WDR70: variants seen among roughly 807,000 people sequenced by gnomAD.
The protein encoded by WDR70 is WD repeat-containing protein 70.
In WDR70, 53 loss-of-function variants were observed where a neutral mutation model predicts 88.6. The observed-to-expected ratio is 0.60, with a 90% CI of 0.48 to 0.75. WDR70 has a LOEUF of 0.75. WDR70 is among the 30% of genes least tolerant of loss of function. The pLI is 0.00. For synonymous variants in WDR70, 280 were observed against 270.0 expected (o/e 1.04, Z -0.36); for missense variants, 610 against 823.2 (o/e 0.74, Z 3.17).
intron 10 of WDR70, among the ~76,000 whole-genome samples, chr5:37,652,300 A>C (rs1745431909): frequency 6.6e-6 from 1 of 152,072 alleles, no homozygotes; most frequent in African/African-American, 2.4e-5. Context: ...TGGTCTATAT[A>C]TCTGTTTTGG....
intron 8 of WDR70, among the ~76,000 whole-genome samples, chr5:37,509,946 C>T (rs1740671102): frequency 6.6e-6 from 1 of 151,688 alleles, no homozygotes; most frequent in Non-Finnish European, 1.5e-5. Context: ...CTTGTAGTCC[C>T]AACTACTTGG....
intron 8 of WDR70, among the ~76,000 whole-genome samples, chr5:37,491,715 T>C (rs553228750): frequency 6.6e-6 from 1 of 152,324 alleles, no homozygotes; most frequent in African/African-American, 2.4e-5. Flanking sequence ...CATGTCTTTT[T>C]ACTGGTGAAT....
At chr5:37,625,673 C>A (rs769008648) in intron 10 of WDR70, among the ~76,000 whole-genome samples, 1 of 151,726 alleles carries the variant, frequency 6.6e-6, no homozygotes, top group Non-Finnish European at 1.5e-5. Flanking sequence ...TACAGGTGCC[C>A]GCCACCATGC....
intron 7 of WDR70, among the ~76,000 whole-genome samples, chr5:37,467,960 C>T (rs1266335934): frequency 1.3e-5 from 2 of 152,148 alleles, no homozygotes; most frequent in South Asian, 2.1e-4. Flanking sequence ...GTGATCTGCC[C>T]GCCTCGGCCT....
chr5:37,386,369 C>T (rs1282091902), intron 3 of WDR70, among the ~76,000 whole-genome samples: 1 of 151,878 alleles, frequency 6.6e-6, no homozygotes, highest in Admixed American at 6.6e-5. Flanking sequence ...TTTGAGTTGC[C>T]CAGGCTGGAG....
At chr5:37,671,647 C>T (rs1054761135) in intron 10 of WDR70, among the ~76,000 whole-genome samples, 2 of 152,128 alleles carry the variant, frequency 1.3e-5, no homozygotes, top group Non-Finnish European at 2.9e-5. Context: ...GTTTCTATTT[C>T]TTATGAGAGG....
intron 13 of WDR70, 133 bp downstream of exon 13, chr5:37,703,220 C>T (rs867911653): frequency 1.1e-5 from 12 of 1,092,652 alleles, no homozygotes; most frequent in South Asian, 3.6e-5. Context: ...TTCACTCTAG[C>T]GTAGGAGTTA....
chr5:37,657,567 T>A (rs1745592981), intron 10 of WDR70, among the ~76,000 whole-genome samples: 1 of 152,218 alleles, frequency 6.6e-6, no homozygotes, highest in Non-Finnish European at 1.5e-5. Context: ...CCTCTCCACT[T>A]CATTTGTACA....
At chr5:37,487,806 A>G (rs2112182420) in intron 8 of WDR70, among the ~76,000 whole-genome samples, 1 of 151,404 alleles carries the variant, frequency 6.6e-6, no homozygotes, top group South Asian at 2.1e-4. Flanking sequence ...TTGTATTTTT[A>G]GTAGAGTCGG....
intron 7 of WDR70, among the ~76,000 whole-genome samples, chr5:37,474,348 C>T (rs74501905): frequency 0.011 from 1,708 of 152,294 alleles, 15 homozygotes; most frequent in Middle Eastern, 0.044. Flanking sequence ...CTAATCTTCT[C>T]TATCCTTATT....
chr5:37,481,647 C>T (rs1739674091), intron 8 of WDR70, among the ~76,000 whole-genome samples: 1 of 152,124 alleles, frequency 6.6e-6, no homozygotes, highest in Non-Finnish European at 1.5e-5. Context: ...ATGGGAGGGT[C>T]TGCTGTGAGG....
At chr5:37,649,892 C>T (rs1745349490) in intron 10 of WDR70, among the ~76,000 whole-genome samples, 1 of 145,614 alleles carries the variant, frequency 6.9e-6, no homozygotes, top group South Asian at 2.2e-4. Context: ...CGCCCGCCAC[C>T]ACGCCCGGCT....
chr5:37,681,698 G>A (rs1746441571), intron 10 of WDR70, among the ~76,000 whole-genome samples: 1 of 152,048 alleles, frequency 6.6e-6, no homozygotes, highest in African/African-American at 2.4e-5. Context: ...ATGTGGTTTT[G>A]TGTTTAGTTC....
At chr5:37,487,627 A>ATATATTTTTTTTTTTTTTTTT (rs1317924512) in intron 8 of WDR70, among the ~76,000 whole-genome samples, 1 of 69,038 alleles carries the variant, frequency 1.4e-5, no homozygotes, top group African/African-American at 5.0e-5. Flanking sequence ...ATATATATGT[A>ATATATTTTTTTTTTTTTTTTT]TTTTTTTTTT....
At chr5:37,751,915 C>T (rs150723553) in intron 17 of WDR70, among the ~76,000 whole-genome samples, 62 of 152,322 alleles carry the variant, frequency 4.1e-4, no homozygotes, top group Middle Eastern at 6.8e-3. Context: ...AAATGCTTGG[C>T]ATTTCCATGC....
intron 10 of WDR70, among the ~76,000 whole-genome samples, chr5:37,627,858 G>C (rs577246677): frequency 6.6e-6 from 1 of 152,258 alleles, no homozygotes; most frequent in Admixed American, 6.5e-5. Flanking sequence ...GTCCTGGAGA[G>C]TGTTCCATGT....
At chr5:37,725,212 A>G (rs1747937009) in intron 16 of WDR70, among the ~76,000 whole-genome samples, 162 bp downstream of exon 16, 1 of 152,158 alleles carries the variant, frequency 6.6e-6, no homozygotes, top group African/African-American at 2.4e-5. Flanking sequence ...AGAAAAGCTG[A>G]TGCAGAATCC....
intron 8 of WDR70, among the ~76,000 whole-genome samples, chr5:37,503,618 C>A (rs1740468177): frequency 6.6e-6 from 1 of 152,174 alleles, no homozygotes; most frequent in African/African-American, 2.4e-5. Flanking sequence ...CTTGTGGCTG[C>A]ATAATATTCC....
At chr5:37,543,370 A>G (rs184891502) in intron 9 of WDR70, among the ~76,000 whole-genome samples, 5 of 152,334 alleles carry the variant, frequency 3.3e-5, no homozygotes, top group African/African-American at 1.2e-4. Flanking sequence ...CTGTTTATGA[A>G]GAAAAATGTT....
Sources: allele counts gnomAD v4.1 joint callset (sites outside exome capture counted in the v4.1 genomes callset), GRCh38; gene constraint gnomAD v4.1.1; transcripts MANE v1.5; gene names NCBI Gene and HGNC (gene_info 2026-07-23, HGNC 2026-07-21).